SRRM4: variants seen among roughly 807,000 people sequenced by gnomAD.
The protein encoded by SRRM4 is serine/arginine repetitive matrix 4.
A neutral mutation model predicts 68.9 loss-of-function variants in SRRM4; 33 were observed. The ratio of observed to expected loss-of-function variants is 0.48; its 90% CI spans 0.36 to 0.64. The LOEUF is 0.64. SRRM4 is among the 30% of genes least tolerant of loss of function. The probability of loss-of-function intolerance (pLI) is 0.00; values close to 1 mark genes in which losing one functional copy is unlikely to be tolerated. For missense variants in SRRM4, 817 were observed against 827.1 expected (o/e 0.99, Z 0.15); for synonymous variants, 318 against 318.8 (o/e 1.00, Z 0.03).
chr12:119,149,534 A>G (rs1024838668), intron 9 of SRRM4, among the ~76,000 whole-genome samples: 2 of 152,186 alleles, frequency 1.3e-5, no homozygotes, highest in African/African-American at 4.8e-5. Context: ...ACATAGAACT[A>G]AGGTCTGTGG....
At chr12:119,023,445 G>GTGC (rs1248999556) in intron 1 of SRRM4, among the ~76,000 whole-genome samples, 1 of 152,162 alleles carries the variant, frequency 6.6e-6, no homozygotes, top group Admixed American at 6.5e-5. Context: ...AAAAGACACA[G>GTGC]CAATTCCTTT....
At chr12:119,137,275 T>C (rs761805295) in intron 8 of SRRM4, among the ~76,000 whole-genome samples, 16 of 152,182 alleles carry the variant, frequency 1.1e-4, no homozygotes, top group East Asian at 1.9e-4. Context: ...TTCAGTTTAA[T>C]TGGAATTCTC....
chr12:119,076,527 A>G (rs1953917395), intron 1 of SRRM4, among the ~76,000 whole-genome samples: 1 of 152,178 alleles, frequency 6.6e-6, no homozygotes, highest in Non-Finnish European at 1.5e-5. Flanking sequence ...TCAGTTCCTC[A>G]TCTGCGAATT....
chr12:119,153,752 T>C (rs1954454566), intron 11 of SRRM4, 103 bp downstream of exon 11: 1 of 819,440 alleles, frequency 1.2e-6, no homozygotes, highest in Non-Finnish European at 2.0e-6. Context: ...TTCTTCCTCT[T>C]AGGTCTGACC....
At chr12:119,056,507 A>C (rs2136019319) in intron 1 of SRRM4, among the ~76,000 whole-genome samples, 1 of 152,262 alleles carries the variant, frequency 6.6e-6, no homozygotes, top group Non-Finnish European at 1.5e-5. Flanking sequence ...CTTTGCTGTG[A>C]CCTGCAAGGC....
chr12:119,055,623 T>C (rs1013422189), intron 1 of SRRM4, among the ~76,000 whole-genome samples: 1 of 152,232 alleles, frequency 6.6e-6, no homozygotes, highest in African/African-American at 2.4e-5. Context: ...TATTTTTATA[T>C]GCCACCTCAT....
chr12:118,982,679 GT>G (rs370087102), intron 1 of SRRM4, among the ~76,000 whole-genome samples: 89 of 102,164 alleles, frequency 8.7e-4, no homozygotes, highest in Middle Eastern at 6.9e-3. Context: ...GTTTTTTTTT[GT>G]TTTTTTTTTT....
chr12:119,122,083 A>G lies in SRRM4; in HGVS notation c.478A>G (p.Lys160Glu), dbSNP rs761293230. 3 of 1,611,036 alleles carry G rather than the reference A, an allele frequency of 1.9e-6. No individual in the cohort carries two copies. Among genetic ancestry groups the G allele is most frequent in the Non-Finnish European group, 2.5e-6 (3 of 1,177,356 alleles). The change falls in exon 6 of 13, where the codon AAA becomes GAA. Residue 160 changes from lysine (K) to glutamate (E), a missense_variant. Physicochemically the swap from Lys to Glu is moderately conservative, Grantham distance 56 (BLOSUM62 1). Transcript: ENST00000267260. ...TTTCTTGTTTAGCTCCTCTAGCCCA[A>G]AAAGCAAAAGAAGAGATGAGAAGAG... ...KKRRHSSSSP[K>E]SKRRDEKRHK...
intron 8 of SRRM4, among the ~76,000 whole-genome samples, chr12:119,131,035 G>A (rs994836242): frequency 6.6e-6 from 1 of 152,190 alleles, no homozygotes; most frequent in Non-Finnish European, 1.5e-5. Flanking sequence ...TTGGGGGGCA[G>A]GGGGAGAAAA....
chr12:119,003,083 C>A (rs1385079800), intron 1 of SRRM4, among the ~76,000 whole-genome samples: 1 of 151,824 alleles, frequency 6.6e-6, no homozygotes, highest in Non-Finnish European at 1.5e-5. Context: ...GGGTTTGAAT[C>A]CCACACCATG....
chr12:119,145,803 T>C, intron 9 of SRRM4, 118 bp downstream of exon 9: 1 of 963,822 alleles, frequency 1.0e-6, no homozygotes, highest in Admixed American at 3.7e-5. Flanking sequence ...GTAAGAGAGA[T>C]GAAACTCAAC....
intron 8 of SRRM4, among the ~76,000 whole-genome samples, chr12:119,142,794 C>T (rs1222339580): frequency 6.6e-6 from 1 of 152,176 alleles, no homozygotes. Context: ...CCAGAGATCG[C>T]AGATCTCAGG....
chr12:119,115,665 G>A (rs1167816849), intron 3 of SRRM4, among the ~76,000 whole-genome samples: 1 of 152,138 alleles, frequency 6.6e-6, no homozygotes, highest in African/African-American at 2.4e-5. Context: ...ATTGAGGCAA[G>A]TGCTTTGGAT....
At chr12:119,150,760 T>C (rs528325088) in intron 9 of SRRM4, among the ~76,000 whole-genome samples, 2 of 152,296 alleles carry the variant, frequency 1.3e-5, no homozygotes, top group African/African-American at 4.8e-5. Context: ...TCTAAAATAC[T>C]CCACTGTGGC....
chr12:119,051,679 A>G lies in SRRM4; in HGVS notation c.132-50557A>G, dbSNP rs567414577. ...TTGGCCTTCACGTTGCACTGAACAT[A>G]TTAAAGGCACTGATAAGTCCTGCAG... On this transcript the variant is annotated intron_variant, in intron 1 of 12. Coordinates refer to ENST00000267260, the MANE Select transcript of SRRM4 (RefSeq NM_194286.4). Among the ~76,000 whole-genome samples the G allele has an allele frequency of 2.0e-5, 3 of 152,330 alleles. No homozygotes were observed. In the South Asian group the frequency reaches 6.2e-4, roughly 32 times the overall value.
intron 8 of SRRM4, among the ~76,000 whole-genome samples, chr12:119,140,879 C>G (rs955846139): frequency 6.6e-6 from 1 of 152,184 alleles, no homozygotes; most frequent in African/African-American, 2.4e-5. Flanking sequence ...GGACCTCAAA[C>G]TTTCTTCTAA....
At chr12:119,041,519 C>A (rs757712735) in intron 1 of SRRM4, among the ~76,000 whole-genome samples, 14 of 152,156 alleles carry the variant, frequency 9.2e-5, no homozygotes, top group Admixed American at 2.0e-4. Context: ...ACACGATGAA[C>A]CCTACAGGTT....
chr12:119,064,268 T>C (rs952243491), intron 1 of SRRM4, among the ~76,000 whole-genome samples: 6 of 152,222 alleles, frequency 3.9e-5, no homozygotes, highest in African/African-American at 1.4e-4. Context: ...CTCTATTTGA[T>C]TAAAATTTAA....
chr12:119,100,512 T>G (rs1954072311), intron 1 of SRRM4, among the ~76,000 whole-genome samples: 2 of 151,942 alleles, frequency 1.3e-5, no homozygotes, highest in African/African-American at 2.4e-5. Flanking sequence ...GTGTTACCAT[T>G]CAACAAGCCC....
Sources: allele counts gnomAD v4.1 joint callset (sites outside exome capture counted in the v4.1 genomes callset), GRCh38; gene constraint gnomAD v4.1.1; transcripts MANE v1.5; gene names NCBI Gene and HGNC (gene_info 2026-07-23, HGNC 2026-07-21).